ZNF420: variants seen among roughly 807,000 people sequenced by gnomAD.
ZNF420 encodes zinc finger protein 420.
In ZNF420, 31 loss-of-function variants were observed where a neutral mutation model predicts 44.7. That is an observed-to-expected ratio of 0.69 (90% CI 0.52 to 0.94). ZNF420 has a LOEUF of 0.94. Among genes scored for constraint, ZNF420 ranks in the 40% least tolerant of loss-of-function variants. ZNF420 has a pLI of 0.00. For missense variants in ZNF420, 681 were observed against 827.9 expected, an observed-to-expected ratio of 0.82 and a Z score of 2.18; for synonymous variants, 245 against 267.4, an observed-to-expected ratio of 0.92 and a Z score of 0.82.
At chr19:37,022,748 C>G (rs1052051118) in intron 1 of ZNF420, among the ~76,000 whole-genome samples, 9 of 152,188 alleles carry the variant, frequency 5.9e-5, no homozygotes, top group Middle Eastern at 3.4e-3. Flanking sequence ...GTAGGTACTA[C>G]TATCGCCATT....
rs118006249 is a variant in ZNF420 at position 37,010,380 on chromosome 19, C to T, written c.-125+2298C>T. Among the ~76,000 whole-genome samples the T allele has an allele frequency of 6.2e-3, 938 of 152,226 alleles. 27 individuals are homozygous for T. The highest frequency in any genetic ancestry group is 0.05 in the East Asian group (256 of 5,144). On this transcript the variant is annotated intron_variant, in intron 1 of 4. Coordinates refer to the ZNF420 transcript ENST00000587029. ...AAAGTCATGCCCCCCGTGATCTCGACGACATGTCTGCTTGTGTGCCCGTGG... is the reference window on the plus strand; with the variant it reads ...AAAGTCATGCCCCCCGTGATCTCGATGACATGTCTGCTTGTGTGCCCGTGG...
chr19:37,085,455 C>T (rs1462002950), intron 2 of ZNF420, among the ~76,000 whole-genome samples: 2 of 152,236 alleles, frequency 1.3e-5, no homozygotes, highest in Non-Finnish European at 2.9e-5. Flanking sequence ...CAGGTCATTC[C>T]TGGCAGGCCA....
At chr19:37,047,917 TCA>T (rs1356480768) in intron 1 of ZNF420, among the ~76,000 whole-genome samples, 1 of 152,230 alleles carries the variant, frequency 6.6e-6, no homozygotes, top group East Asian at 1.9e-4. Flanking sequence ...TGGTTTTTAA[TCA>T]CACAGATTCA....
intron 1 of ZNF420, among the ~76,000 whole-genome samples, chr19:37,023,543 T>C (rs2074664842): frequency 6.6e-6 from 1 of 152,070 alleles, no homozygotes; most frequent in African/African-American, 2.4e-5. Context: ...TATTTGTATT[T>C]TTAGTAGGGA....
upstream of ZNF420, among the ~76,000 whole-genome samples, chr19:37,076,597 C>G (rs1392033295): frequency 6.6e-6 from 1 of 152,122 alleles, no homozygotes; most frequent in African/African-American, 2.4e-5. Flanking sequence ...TTGTTCAATT[C>G]CCACCTATGA....
At chr19:37,121,497 C>T (rs368784238) in intron 4 of ZNF420, among the ~76,000 whole-genome samples, 90 of 151,080 alleles carry the variant, frequency 6.0e-4, no homozygotes, top group Non-Finnish European at 9.2e-4. Context: ...AAGACTTAAA[C>T]GTTAGACCTA....
intron 2 of ZNF420, among the ~76,000 whole-genome samples, chr19:37,087,232 C>T (rs1050196268): frequency 5.3e-5 from 8 of 149,788 alleles, no homozygotes; most frequent in African/African-American, 1.7e-4. Flanking sequence ...TTACAGTAAG[C>T]TATGATCATA....
chr19:37,100,338 A>G (rs1198432145), intron 4 of ZNF420, among the ~76,000 whole-genome samples: 2 of 151,748 alleles, frequency 1.3e-5, no homozygotes, highest in African/African-American at 2.4e-5. Context: ...TGCCAATACC[A>G]TACTGTTTGG....
At chr19:37,017,560 A>G (rs997250428) in intron 1 of ZNF420, among the ~76,000 whole-genome samples, 2 of 152,232 alleles carry the variant, frequency 1.3e-5, no homozygotes, top group African/African-American at 4.8e-5. Flanking sequence ...GTGAAGGAAA[A>G]ACCCCACTTG....
At chr19:37,126,246 T>G (rs1971341020) in intron 4 of ZNF420, among the ~76,000 whole-genome samples, 1 of 152,182 alleles carries the variant, frequency 6.6e-6, no homozygotes, top group African/African-American at 2.4e-5. Context: ...GATAATTAAA[T>G]TAAGACCTGA....
At position 37,129,149 on chromosome 19, in the gene ZNF420, C is replaced by G. The variant is rs1426004134; in HGVS notation, c.*91C>G. The G allele has an allele frequency of 1.3e-5, 19 of 1,430,024 alleles. No individual in the cohort carries two copies. The East Asian group carries it at 4.4e-4, about 33-fold the overall frequency. 88.6% of individuals were successfully genotyped at this position (1,430,024 alleles called of 1,614,324 possible). On this transcript the variant is annotated 3_prime_UTR_variant, in exon 5 of 5. Transcript: ENST00000337995. ...AAATGTGAATATGGGCGCACATTTG[C>G]CTCATAAAGCACAGCATCAGATAAT...
chr19:37,038,422 C>T (rs1268339849), intron 1 of ZNF420, among the ~76,000 whole-genome samples: 1 of 152,136 alleles, frequency 6.6e-6, no homozygotes, highest in African/African-American at 2.4e-5. Context: ...CTTCCTTTCA[C>T]CAAAGATTTC....
At chr19:37,028,526 T>C (rs1417747511) in intron 1 of ZNF420, among the ~76,000 whole-genome samples, 1 of 152,222 alleles carries the variant, frequency 6.6e-6, no homozygotes, top group Non-Finnish European at 1.5e-5. Flanking sequence ...ACTGAATGGA[T>C]GATGTCACTG....
exon 1 of ZNF420, chr19:37,007,964 C>T (rs2074541182): frequency 6.0e-6 from 1 of 166,176 alleles, no homozygotes; most frequent in Admixed American, 6.4e-5. Flanking sequence ...GACAGAACGA[C>T]AGGACGTTCT....
At chr19:37,073,986 A>G (rs1365866630), upstream of ZNF420, among the ~76,000 whole-genome samples, 2 of 152,100 alleles carry the variant, frequency 1.3e-5, no homozygotes, top group African/African-American at 4.8e-5. Context: ...GAGAAAAAAT[A>G]AAGAGGTATA....
intron 4 of ZNF420, among the ~76,000 whole-genome samples, chr19:37,126,021 T>C (rs1056593744): frequency 1.3e-5 from 2 of 152,204 alleles, no homozygotes; most frequent in Non-Finnish European, 2.9e-5. Flanking sequence ...ATCATAAGAC[T>C]TCTCTAAGTG....
chr19:37,120,432 G>A (rs1383341324), intron 4 of ZNF420, among the ~76,000 whole-genome samples: 2 of 152,106 alleles, frequency 1.3e-5, no homozygotes, highest in African/African-American at 2.4e-5. Context: ...AACCCTTCAT[G>A]CTAAAAACTC....
At chr19:37,013,589 G>A (rs2074588146) in intron 1 of ZNF420, among the ~76,000 whole-genome samples, 1 of 152,180 alleles carries the variant, frequency 6.6e-6, no homozygotes, top group Admixed American at 6.5e-5. Context: ...GGAATCTCCG[G>A]ACTCCCATTT....
At chr19:37,045,537 C>T (rs909470658) in intron 1 of ZNF420, among the ~76,000 whole-genome samples, 3 of 152,174 alleles carry the variant, frequency 2.0e-5, no homozygotes, top group African/African-American at 7.2e-5. Flanking sequence ...GGACTATTTG[C>T]ATCTTTGTAG....
Sources: allele counts gnomAD v4.1 joint callset (sites outside exome capture counted in the v4.1 genomes callset), GRCh38; gene constraint gnomAD v4.1.1; transcripts MANE v1.5; gene names NCBI Gene and HGNC (gene_info 2026-07-23, HGNC 2026-07-21).